The following ATXN1 variants were observed in gnomAD, a reference collection of about 807,000 sequenced individuals.
ATXN1 encodes the protein ataxin-1.
A neutral mutation model predicts 56.4 loss-of-function variants in ATXN1; 8 were observed. The observed-to-expected ratio is 0.14, with a 90% CI of 0.08 to 0.26. ATXN1 has a LOEUF of 0.26. ATXN1 is among the 10% of genes least tolerant of loss of function. ATXN1 has a pLI of 1.00. For synonymous variants in ATXN1, 514 were observed against 494.6 expected, an observed-to-expected ratio of 1.04 and a Z score of -0.52; for missense variants, 987 against 1,106.5, an observed-to-expected ratio of 0.89 and a Z score of 1.53.
At chr6:16,335,232 A>G (rs1481562940) in intron 6 of ATXN1, among the ~76,000 whole-genome samples, 10 of 152,306 alleles carry the variant, frequency 6.6e-5, no homozygotes. Context: ...TTCCATGTCT[A>G]TCTAAGCGTG....
At chr6:16,351,737 GTAAT>G (rs1372156856) in intron 6 of ATXN1, among the ~76,000 whole-genome samples, 3 of 152,150 alleles carry the variant, frequency 2.0e-5, no homozygotes, top group Admixed American at 6.6e-5. Context: ...ATTTCTCCTT[GTAAT>G]GTAATTCCAA....
chr6:16,529,184 A>G (rs1252576784), intron 4 of ATXN1, among the ~76,000 whole-genome samples: 1 of 151,444 alleles, frequency 6.6e-6, no homozygotes, highest in Non-Finnish European at 1.5e-5. Context: ...GTCAAAAAAA[A>G]AAAAATCTTT....
intron 3 of ATXN1, among the ~76,000 whole-genome samples, chr6:16,624,751 C>T (rs537718154): frequency 9.9e-5 from 15 of 152,194 alleles, no homozygotes; most frequent in South Asian, 4.1e-4. Flanking sequence ...CTTGACACAA[C>T]GACTCTGCAA....
In ATXN1 at chr6:16,300,497, C is replaced by T. The variant is rs1316362256; in HGVS notation, c.*5832G>A. On this transcript the variant is annotated 3_prime_UTR_variant, in exon 8 of 8. Transcript: ENST00000436367. ...CCACAGCTGTCCAGTTTCCACTGTC[C>T]GGCTTGATTTTTGGACAGGAATACT... 1.3e-5 allele frequency: 2 copies of T among 152,252 alleles called. No homozygotes were observed. Among genetic ancestry groups the T allele is most frequent in the African/African-American group, 4.8e-5 (2 of 41,422 alleles). The allele number at this position is 152,252 out of a possible 1,614,324, so 9.4% of individuals were successfully genotyped here.
In ATXN1 at chr6:16,328,149, GC is replaced by G; in HGVS notation, c.161del (p.Gly54AlafsTer22). On this transcript the variant is annotated frameshift_variant, in exon 7 of 8. Coordinates refer to ENST00000436367, the MANE Select transcript of ATXN1 (RefSeq NM_001128164.2). LOFTEE classifies it high-confidence loss of function. The surrounding 1 kb of genome is among the most constrained non-coding windows in gnomAD (Gnocchi z 6.2). Reference protein sequence around the residue: ...AWLPGNPGGRGHGGGRHGPAG... With the variant: ...AWLPGNPGGRXHGGGRHGPAG... ...CCGGCCCATGCCTCCCGCCCCCGTG[GC>G]CCCGGCCACCAGGGTTGCCCGGGAG... The G allele has an allele frequency of 6.3e-7, 1 of 1,582,938 alleles. No homozygotes were observed. Among genetic ancestry groups the G allele is most frequent in the Non-Finnish European group, 8.6e-7 (1 of 1,161,136 alleles).
At chr6:16,614,347 C>T (rs1763166480) in intron 3 of ATXN1, among the ~76,000 whole-genome samples, 1 of 151,410 alleles carries the variant, frequency 6.6e-6, no homozygotes, top group South Asian at 2.1e-4. Flanking sequence ...ACAATTGGTG[C>T]ACTCAGCTCT....
At chr6:16,633,537 T>C (rs1478403480) in intron 3 of ATXN1, among the ~76,000 whole-genome samples, 1 of 152,112 alleles carries the variant, frequency 6.6e-6, no homozygotes, top group East Asian at 1.9e-4. Flanking sequence ...TCTTAACCAA[T>C]GCCTACTATC....
At chr6:16,352,810 T>G (rs1350326676) in intron 6 of ATXN1, among the ~76,000 whole-genome samples, 1 of 152,222 alleles carries the variant, frequency 6.6e-6, no homozygotes, top group African/African-American at 2.4e-5. Context: ...AAGTTTGATT[T>G]ATACATTAGG....
At chr6:16,430,830 G>A (rs545092431) in intron 6 of ATXN1, among the ~76,000 whole-genome samples, 3 of 152,214 alleles carry the variant, frequency 2.0e-5, no homozygotes, top group East Asian at 1.9e-4. Context: ...TATGGGATTA[G>A]GGAGTACTGC....
chr6:16,760,748 T>G lies in ATXN1; in HGVS notation c.-730+550A>C, dbSNP rs1273680776. On this transcript the variant is annotated intron_variant, in intron 1 of 7. Coordinates refer to ENST00000436367, the MANE Select transcript of ATXN1 (RefSeq NM_001128164.2). This position sits in a 1 kb window ranked among gnomAD's most constrained non-coding sequence, Gnocchi z 5.3. ...AGCCCTCCGTGAGACCCCCTCTCTCTCACCGCCCTCTCCGGGGAGGAGGAA... is the reference window on the plus strand; with the variant it reads ...AGCCCTCCGTGAGACCCCCTCTCTCGCACCGCCCTCTCCGGGGAGGAGGAA... Among the ~76,000 whole-genome samples, 3 of 150,806 alleles carry G rather than the reference T, an allele frequency of 2.0e-5. No homozygotes were observed. Among genetic ancestry groups the G allele is most frequent in the Non-Finnish European group, 4.4e-5 (3 of 67,606 alleles).
At chr6:16,338,242 C>T (rs1192610894) in intron 6 of ATXN1, among the ~76,000 whole-genome samples, 2 of 152,146 alleles carry the variant, frequency 1.3e-5, no homozygotes, top group Admixed American at 6.5e-5. Context: ...GCCTGCAAAC[C>T]CAGCACTTTA....
intron 2 of ATXN1, chr6:16,739,439 T>G (rs1432332614): frequency 5.7e-6 from 1 of 174,176 alleles, no homozygotes; most frequent in African/African-American, 2.3e-5. Context: ...AAGATGAATT[T>G]ATCCTCCACT....
intron 4 of ATXN1, among the ~76,000 whole-genome samples, chr6:16,581,789 A>C (rs1437284627): frequency 6.6e-6 from 1 of 152,158 alleles, no homozygotes; most frequent in Non-Finnish European, 1.5e-5. Flanking sequence ...TAATAAGAGA[A>C]CAAGGTACAC....
At position 16,328,263 on chromosome 6, in the gene ATXN1, C is replaced by A; in HGVS notation, c.48G>T (p.Lys16Asn). Residue 16 changes from lysine to asparagine, a missense_variant, in exon 7 of 8, where the codon AAG becomes AAT. By Grantham distance (94) the Lys-to-Asn change is moderately conservative. Transcript: ENST00000436367. This position sits in a 1 kb window ranked among gnomAD's most constrained non-coding sequence, Gnocchi z 6.2. ...ACCGGCTGGTGGCGGGGATCTCGCG[C>A]TTCTTGGGAGGCAGGCATTCGTTGC... is the stretch of plus-strand genomic sequence containing the variant. ...ERSNECLPPK[K>N]REIPATSRSS... is the part of the protein sequence containing the mutation. The A allele has an allele frequency of 6.5e-7, 1 of 1,530,494 alleles. No individual in the cohort carries two copies. Among genetic ancestry groups the A allele is most frequent in the Non-Finnish European group, 8.7e-7 (1 of 1,143,186 alleles). The allele number at this position is 1,530,494 out of a possible 1,614,324, so 94.8% of individuals were successfully genotyped here.
At chr6:16,319,320 C>A (rs1004215227) in intron 7 of ATXN1, among the ~76,000 whole-genome samples, 1 of 152,120 alleles carries the variant, frequency 6.6e-6, no homozygotes, top group Non-Finnish European at 1.5e-5. Context: ...AAATGCATAT[C>A]GCTAAGTGAG....
At chr6:16,599,139 T>C (rs1045076724) in intron 3 of ATXN1, among the ~76,000 whole-genome samples, 2 of 152,156 alleles carry the variant, frequency 1.3e-5, no homozygotes, top group African/African-American at 4.8e-5. Flanking sequence ...TCACCAAAGA[T>C]GTTTTCTTTT....
At chr6:16,367,333 T>TCC (rs1761942206) in intron 6 of ATXN1, among the ~76,000 whole-genome samples, 1 of 79,144 alleles carries the variant, frequency 1.3e-5, no homozygotes, top group African/African-American at 4.4e-5. Flanking sequence ...AAGATTCTGT[T>TCC]TCTCTCTCTC....
intron 6 of ATXN1, among the ~76,000 whole-genome samples, chr6:16,405,108 T>C (rs1450665015): frequency 3.9e-5 from 6 of 152,174 alleles, no homozygotes; most frequent in East Asian, 1.9e-4. Flanking sequence ...TCCTGGAGAA[T>C]AGAGTTTGAT....
chr6:16,599,537 C>G (rs1000974220), intron 3 of ATXN1, among the ~76,000 whole-genome samples: 11 of 151,980 alleles, frequency 7.2e-5, no homozygotes, highest in Non-Finnish European at 1.3e-4. Flanking sequence ...ATGCTGAAAC[C>G]TTGTCTCTAC....
Sources: allele counts gnomAD v4.1 joint callset (sites outside exome capture counted in the v4.1 genomes callset), GRCh38; gene constraint gnomAD v4.1.1; non-coding constraint Gnocchi (gnomAD v3.1); transcripts MANE v1.5; gene names NCBI Gene and HGNC (gene_info 2026-07-23, HGNC 2026-07-21).